FMN1: variants seen among roughly 807,000 people sequenced by gnomAD.
FMN1 encodes formin 1, also known as formin-1.
FMN1 carries 110 observed loss-of-function variants against 132.4 expected under a neutral mutation model. The observed-to-expected ratio is 0.83, with a 90% confidence interval of 0.71 to 0.97. The LOEUF (loss-of-function observed/expected upper bound fraction) is 0.97, where lower values mean the gene tolerates loss of function less well. Ranked by LOEUF, FMN1 falls within the 50% of genes least tolerant of loss-of-function variation. The pLI is 0.00. For synonymous variants in FMN1, 722 were observed against 651.7 expected (o/e 1.11, Z -1.64); for missense variants, 1,792 against 1,705.3 (o/e 1.05, Z -0.90).
chr15:33,121,756 T>C (rs904059325), intron 4 of FMN1, among the ~76,000 whole-genome samples: 5 of 152,170 alleles, frequency 3.3e-5, no homozygotes, highest in Admixed American at 6.5e-5. Flanking sequence ...CTCAATCTCC[T>C]GACCCCTCAA....
At chr15:32,989,388 T>C (rs1333966141) in intron 7 of FMN1, among the ~76,000 whole-genome samples, 2 of 152,156 alleles carry the variant, frequency 1.3e-5, no homozygotes, top group South Asian at 4.1e-4. Flanking sequence ...TCATGTATGA[T>C]GAGGAACCCT....
chr15:32,862,850 T>C (rs2141325345), intron 16 of FMN1, among the ~76,000 whole-genome samples: 1 of 152,320 alleles, frequency 6.6e-6, no homozygotes, highest in Non-Finnish European at 1.5e-5. Context: ...TCAGGCTATC[T>C]GCTTTTCCAG....
At position 33,194,000 on chromosome 15, in the gene FMN1, A is replaced by G. The variant is rs1050667827; in HGVS notation, c.-288T>C. 1.3e-5 allele frequency: 2 copies of G among 151,942 alleles called. No homozygotes were observed. The highest frequency in any genetic ancestry group is 2.9e-5 in the Non-Finnish European group (2 of 68,022). The allele number at this position is 151,942 out of a possible 1,614,324, so 9.4% of individuals were successfully genotyped here. ...TGGTAGTGGCCTTGGAGGTGGTGGTAGTGGCAATGGTGATGATGATGATGA... is the reference window on the plus strand; with the variant it reads ...TGGTAGTGGCCTTGGAGGTGGTGGTGGTGGCAATGGTGATGATGATGATGA... On this transcript the variant is annotated 5_prime_UTR_variant, in exon 2 of 21. Transcript: ENST00000616417.
At chr15:33,105,141 T>G (rs939711205) in intron 4 of FMN1, among the ~76,000 whole-genome samples, 2 of 152,090 alleles carry the variant, frequency 1.3e-5, no homozygotes, top group Non-Finnish European at 2.9e-5. Flanking sequence ...AAACATTTTT[T>G]TCCCCTGGCT....
chr15:33,167,028 T>C (rs1965135919), intron 3 of FMN1, among the ~76,000 whole-genome samples: 1 of 149,106 alleles, frequency 6.7e-6, no homozygotes, highest in Non-Finnish European at 1.5e-5. Flanking sequence ...CTAGTAAAAA[T>C]TAAATATTTA....
At chr15:32,857,613 C>T (rs575705750) in intron 16 of FMN1, among the ~76,000 whole-genome samples, 13 of 152,250 alleles carry the variant, frequency 8.5e-5, no homozygotes, top group African/African-American at 2.6e-4. Flanking sequence ...GAACTAAGAC[C>T]AGGTCGGGGA....
intron 9 of FMN1, among the ~76,000 whole-genome samples, chr15:32,943,536 AGGTACCTT>A (rs1178305145): frequency 6.6e-6 from 1 of 152,212 alleles, no homozygotes; most frequent in Non-Finnish European, 1.5e-5. Context: ...AAATAGATAA[AGGTACCTT>A]CATAATGACT....
intron 4 of FMN1, among the ~76,000 whole-genome samples, chr15:33,117,251 C>T (rs1229675437): frequency 6.6e-6 from 1 of 152,146 alleles, no homozygotes; most frequent in Non-Finnish European, 1.5e-5. Context: ...GGAAGTTATA[C>T]GCCCTCAGAT....
At chr15:32,788,288 C>T (rs1293208645) in intron 19 of FMN1, among the ~76,000 whole-genome samples, 1 of 152,216 alleles carries the variant, frequency 6.6e-6, no homozygotes, top group African/African-American at 2.4e-5. Flanking sequence ...TTCATTTCCT[C>T]ATTTAGGGAG....
rs141309065 is a variant in FMN1, at chr15:32,992,139, T to C, written c.2223+15875A>G. ...GCAATCTTGTTTTCTCCCCTCCTTG[T>C]TTTTGAGCCCATCCACCATTGTTTT... On this transcript the variant is annotated intron_variant, in intron 7 of 20. Coordinates refer to ENST00000616417, the MANE Select transcript of FMN1 (RefSeq NM_001277313.2). Among the ~76,000 whole-genome samples, 148 of 152,268 alleles carry C rather than the reference T, an allele frequency of 9.7e-4. 2 individuals carry two copies. In the East Asian group the frequency reaches 0.024, roughly 25 times the overall value.
chr15:33,004,621 T>A (rs1224577831), intron 7 of FMN1, among the ~76,000 whole-genome samples: 1 of 152,164 alleles, frequency 6.6e-6, no homozygotes, highest in Non-Finnish European at 1.5e-5. Context: ...ATTGTGGAAG[T>A]CAGTGTGGCG....
At chr15:33,002,913 C>G (rs944526036) in intron 7 of FMN1, among the ~76,000 whole-genome samples, 2 of 152,032 alleles carry the variant, frequency 1.3e-5, no homozygotes, top group Non-Finnish European at 2.9e-5. Context: ...GTTCAACATA[C>G]GAAAATCAAT....
chr15:32,790,623 C>T (rs993535223), intron 19 of FMN1, among the ~76,000 whole-genome samples: 17 of 152,214 alleles, frequency 1.1e-4, no homozygotes, highest in African/African-American at 4.1e-4. Context: ...ATCTCTAACA[C>T]TGCCCTACTG....
At chr15:33,033,924 T>C (rs1158347908) in intron 6 of FMN1, among the ~76,000 whole-genome samples, 1 of 152,174 alleles carries the variant, frequency 6.6e-6, no homozygotes, top group Non-Finnish European at 1.5e-5. Flanking sequence ...CAGAGCTCCG[T>C]AGTCTCTTAG....
At chr15:32,838,107 A>G (rs1365547804) in intron 17 of FMN1, among the ~76,000 whole-genome samples, 2 of 152,180 alleles carry the variant, frequency 1.3e-5, no homozygotes, top group Non-Finnish European at 2.9e-5. Context: ...CGTTCACAAC[A>G]ATGTTGGGCA....
intron 6 of FMN1, among the ~76,000 whole-genome samples, chr15:33,054,059 A>G (rs1159714249): frequency 6.6e-6 from 1 of 152,154 alleles, no homozygotes; most frequent in African/African-American, 2.4e-5. Flanking sequence ...CCTCTAACGA[A>G]GATGTGAACC....
At chr15:33,073,176 A>T (rs762081680) in intron 5 of FMN1, among the ~76,000 whole-genome samples, 2 of 152,080 alleles carry the variant, frequency 1.3e-5, no homozygotes, top group African/African-American at 4.8e-5. Flanking sequence ...TGGATAATTC[A>T]CCCCCACATT....
intron 3 of FMN1, among the ~76,000 whole-genome samples, chr15:33,177,867 G>T (rs1032534216): frequency 4.6e-5 from 7 of 152,032 alleles, no homozygotes; most frequent in Non-Finnish European, 7.4e-5. Context: ...AATTAGCCAG[G>T]CATGGTGGTG....
intron 6 of FMN1, among the ~76,000 whole-genome samples, chr15:33,059,683 ATAAGT>A (rs1488424144): frequency 7.2e-5 from 11 of 152,232 alleles, no homozygotes; most frequent in Non-Finnish European, 1.3e-4. Context: ...CAGAGTATTA[ATAAGT>A]TATGTGTATC....
Sources: allele counts gnomAD v4.1 joint callset (sites outside exome capture counted in the v4.1 genomes callset), GRCh38; gene constraint gnomAD v4.1.1; transcripts MANE v1.5; gene names NCBI Gene and HGNC (gene_info 2026-07-23, HGNC 2026-07-21).